SYNJ2: variants seen among roughly 807,000 people sequenced by gnomAD.
SYNJ2 encodes the protein polyphosphatidylinositol phosphatase SYNJ2.
A neutral mutation model predicts 141.3 loss-of-function variants in SYNJ2; 116 were observed. The observed-to-expected ratio is 0.82, with a 90% confidence interval of 0.71 to 0.96. The LOEUF (loss-of-function observed/expected upper bound fraction) is 0.96. SYNJ2 is among the 40% of genes least tolerant of loss of function. SYNJ2 has a pLI of 0.00. For synonymous variants in SYNJ2, 745 were observed against 777.7 expected, an observed-to-expected ratio of 0.96 and a Z score of 0.70; for missense variants, 1,873 against 1,934.8, an observed-to-expected ratio of 0.97 and a Z score of 0.60.
chr6:158,068,750 G>T (rs745416261), intron 13 of SYNJ2, 22 bp downstream of exon 13: 3 of 1,613,356 alleles, frequency 1.9e-6, no homozygotes, highest in Non-Finnish European at 2.5e-6. Flanking sequence ...GGTGTGCGGG[G>T]CCAGGCAGGG....
At chr6:158,025,953 A>G (rs1048601324) in intron 2 of SYNJ2, among the ~76,000 whole-genome samples, 7 of 150,462 alleles carry the variant, frequency 4.7e-5, no homozygotes, top group African/African-American at 1.7e-4. Context: ...ACTCTGTCTC[A>G]AAAAATAAAT....
intron 5 of SYNJ2, among the ~76,000 whole-genome samples, chr6:158,053,456 T>C (rs1208311696): frequency 6.6e-6 from 1 of 152,130 alleles, no homozygotes; most frequent in African/African-American, 2.4e-5. Flanking sequence ...TCCTCCAAAT[T>C]TATTACTTGG....
chr6:158,064,410 C>A (rs751026181), intron 9 of SYNJ2, among the ~76,000 whole-genome samples, 191 bp from the exon 10 acceptor site: 5 of 152,010 alleles, frequency 3.3e-5, no homozygotes, highest in African/African-American at 7.3e-5. Context: ...TTGGGTGGAC[C>A]CTATAGATAA....
At chr6:157,983,831 ATTT>A (rs566097714) in intron 1 of SYNJ2, among the ~76,000 whole-genome samples, 3 of 144,744 alleles carry the variant, frequency 2.1e-5, no homozygotes, top group African/African-American at 7.8e-5. Context: ...TTAAAAAAAA[ATTT>A]TTTTTTTTTT....
intron 1 of SYNJ2, among the ~76,000 whole-genome samples, chr6:157,993,488 TCTTCA>T (rs1777525884): frequency 6.6e-6 from 1 of 152,180 alleles, no homozygotes; most frequent in African/African-American, 2.4e-5. Context: ...GTGGGCTGTC[TCTTCA>T]CTTTGTTGAT....
intron 2 of SYNJ2, among the ~76,000 whole-genome samples, chr6:158,023,303 G>T (rs1261512329): frequency 1.3e-5 from 2 of 151,242 alleles, no homozygotes; most frequent in African/African-American, 4.9e-5. Flanking sequence ...AAAACCCATG[G>T]TATACAGAGA....
intron 18 of SYNJ2, 70 bp from the exon 19 acceptor site, chr6:158,081,039 G>C (rs1449880112): frequency 2.1e-6 from 3 of 1,428,228 alleles, no homozygotes; most frequent in Non-Finnish European, 9.9e-7. Flanking sequence ...AGGCTAACTG[G>C]GGACTGGAGG....
rs116283205 is a variant in SYNJ2, at chr6:157,996,986, G to A, written c.127+14898G>A. ...GCGAGAACAGACTAGTACACCAAGG[G>A]TTGGCCTGGCTGCTGCTGCCTCCGT... On this transcript the variant is annotated intron_variant, in intron 1 of 26. Transcript: ENST00000355585. 8.2e-3 allele frequency among the ~76,000 whole-genome samples: 1,240 copies of A among 151,874 alleles called. 16 individuals are homozygous for A. The highest frequency in any genetic ancestry group is 0.029 in the African/African-American group (1,184 of 41,300).
At position 158,027,325 on chromosome 6, in the gene SYNJ2, G is replaced by T; in HGVS notation, c.215-1431G>T. On this transcript the variant is annotated intron_variant, in intron 2 of 26. Transcript: ENST00000355585. The surrounding 1 kb of genome is among the most constrained non-coding windows in gnomAD (Gnocchi z 4.6). Reference sequence around the variant, plus strand: ...GGGCGGATCCTTCAGACCTCAGCGGGGTGGGAAGAGTGTCCTTGGGACTAG... The same window carrying T: ...GGGCGGATCCTTCAGACCTCAGCGGTGTGGGAAGAGTGTCCTTGGGACTAG... 1.8e-6 allele frequency: 1 copy of T among 543,286 alleles called. No individual in the cohort carries two copies. Among genetic ancestry groups the T allele is most frequent in the Non-Finnish European group, 2.3e-6 (1 of 426,050 alleles). 33.7% of individuals were successfully genotyped at this position (543,286 alleles called of 1,614,324 possible).
chr6:158,039,114 C>T (rs1038227986), intron 4 of SYNJ2, among the ~76,000 whole-genome samples: 1 of 152,238 alleles, frequency 6.6e-6, no homozygotes, highest in Non-Finnish European at 1.5e-5. Flanking sequence ...CTCCTGTTGC[C>T]TCACTTGTAT....
At chr6:158,004,193 C>T (rs559049415) in intron 1 of SYNJ2, among the ~76,000 whole-genome samples, 1 of 152,094 alleles carries the variant, frequency 6.6e-6, no homozygotes, top group African/African-American at 2.4e-5. Context: ...TGAATAGGGG[C>T]TGGGTCAAAT....
Position 158,096,150 on chromosome 6 carries a change from A to G in SYNJ2, c.4277A>G (p.Asn1426Ser). 6.2e-7 allele frequency: 1 copy of G among 1,614,248 alleles called. No homozygotes were observed. Among genetic ancestry groups the G allele is most frequent in the Non-Finnish European group, 8.5e-7 (1 of 1,180,040 alleles). Residue 1426 changes from asparagine to serine, a missense_variant, in exon 27 of 27, where the codon AAT (asparagine) becomes AGT (serine). By Grantham distance (46) the Asn-to-Ser change is conservative (BLOSUM62 1). Coordinates refer to ENST00000355585, the MANE Select transcript of SYNJ2 (RefSeq NM_003898.4). The part of the protein sequence containing the change: ...WNLLHHPKLL[N>S]NTWLSKSSDP... ...CTTCTTCACCACCCTAAACTGTTGA[A>G]TAACACTTGGCTTTCTAAGAGCTCA...
At chr6:158,082,116 G>A (rs1393133263) in intron 20 of SYNJ2, among the ~76,000 whole-genome samples, 1 of 152,184 alleles carries the variant, frequency 6.6e-6, no homozygotes, top group Non-Finnish European at 1.5e-5. Flanking sequence ...TCAGGCCAAG[G>A]TGGGTAGATC....
chr6:158,052,394 C>T (rs1780618467), intron 5 of SYNJ2, among the ~76,000 whole-genome samples: 1 of 152,176 alleles, frequency 6.6e-6, no homozygotes, highest in Non-Finnish European at 1.5e-5. Context: ...AGTCCATTTG[C>T]CTTGCTGTAA....
At chr6:158,002,556 T>TTTGTTAGGACCTAAA (rs1777903314) in intron 1 of SYNJ2, among the ~76,000 whole-genome samples, 1 of 152,082 alleles carries the variant, frequency 6.6e-6, no homozygotes, top group South Asian at 2.1e-4. Context: ...CAGGACCTAA[T>TTTGTTAGGACCTAAA]TTGTTAGGAC....
At chr6:158,008,758 G>A (rs1453838987) in intron 1 of SYNJ2, among the ~76,000 whole-genome samples, 2 of 152,188 alleles carry the variant, frequency 1.3e-5, no homozygotes, top group Non-Finnish European at 2.9e-5. Flanking sequence ...CCTGGCTCAG[G>A]CTAGAGTCCT....
Position 158,071,928 on chromosome 6 carries a change from G to C in SYNJ2, c.2133+134G>C. 9.3e-7 allele frequency: 1 copy of C among 1,071,736 alleles called. No individual in the cohort carries two copies. The highest frequency in any genetic ancestry group is 1.3e-6 in the Non-Finnish European group (1 of 764,140). The allele number at this position is 1,071,736 out of a possible 1,614,324, so 66.4% of individuals were successfully genotyped here. A position where few individuals can be genotyped will look rare whatever the true frequency, so the allele number is the denominator to read the frequency against. The stretch of plus-strand genomic sequence containing the variant: ...CCTGGAGGGCTCAGCGCTGGGGGAG[G>C]GGGAGAGGGCTATGTCCCTCCATGG... On this transcript the variant is annotated intron_variant, in intron 15 of 26. Coordinates refer to ENST00000355585, the MANE Select transcript of SYNJ2 (RefSeq NM_003898.4). The surrounding 1 kb of genome is among the most constrained non-coding windows in gnomAD (Gnocchi z 4.3).
intron 1 of SYNJ2, 35 bp from the exon 2 acceptor site, chr6:158,017,169 T>A (rs1778495622): frequency 6.2e-7 from 1 of 1,607,250 alleles, no homozygotes; most frequent in East Asian, 2.2e-5. Context: ...CAGGAGACGC[T>A]CGCTGATGCC....
In SYNJ2 at chr6:158,071,580, T is replaced by C; in HGVS notation, c.1941-22T>C. On this transcript the variant is annotated intron_variant, in intron 14 of 26. Coordinates refer to ENST00000355585, the MANE Select transcript of SYNJ2 (RefSeq NM_003898.4). This position sits in a 1 kb window ranked among gnomAD's most constrained non-coding sequence, Gnocchi z 4.3. ...ACTTCTCCTTCAGGAGCCGACGGCA[T>C]GCGCGTATCCTTCTGTTCCAGGGAC... 6.2e-7 allele frequency: 1 copy of C among 1,606,140 alleles called. No individual in the cohort carries two copies. The highest frequency in any genetic ancestry group is 8.5e-7 in the Non-Finnish European group (1 of 1,175,760).
Sources: gnomAD v4.1 joint callset for allele counts (sites outside exome capture counted in the v4.1 genomes callset) on GRCh38, gnomAD v4.1.1 for gene constraint, Gnocchi (gnomAD v3.1) non-coding constraint, MANE v1.5 for transcripts, NCBI Gene and HGNC (gene_info 2026-07-23, HGNC 2026-07-21) for gene names.